Variants in TRIM2 observed in about 807,000 individuals in gnomAD.
TRIM2 encodes tripartite motif containing 2, also known as tripartite motif-containing protein 2.
Under a neutral mutation model 75.2 loss-of-function variants are expected in TRIM2, and 20 were observed. That is an observed-to-expected ratio of 0.27 (90% CI 0.19 to 0.39). TRIM2 has a LOEUF of 0.39. Among genes scored for constraint, TRIM2 ranks in the 10% least tolerant of loss-of-function variants. The pLI is 1.00. For synonymous variants in TRIM2, 373 were observed against 388.3 expected (o/e 0.96, Z 0.46); for missense variants, 660 against 990.8 (o/e 0.67, Z 4.48).
chr4:153,326,156 CTATT>C (rs1426005037), intron 10 of TRIM2, among the ~76,000 whole-genome samples: 3 of 152,154 alleles, frequency 2.0e-5, no homozygotes, highest in Non-Finnish European at 4.4e-5. Context: ...GCTGTAAAAA[CTATT>C]TAAGCTGATA....
chr4:153,288,818 G>A (rs1761238629), intron 3 of TRIM2, among the ~76,000 whole-genome samples: 1 of 150,584 alleles, frequency 6.6e-6, no homozygotes, highest in Non-Finnish European at 1.5e-5. Context: ...AATCTCAATA[G>A]GCCCATCTTC....
At chr4:153,293,973 C>T (rs1241856901) in intron 4 of TRIM2, among the ~76,000 whole-genome samples, 1 of 152,138 alleles carries the variant, frequency 6.6e-6, no homozygotes, top group East Asian at 1.9e-4. Flanking sequence ...TGCTGTTAAA[C>T]ATCATACAAT....
intron 1 of TRIM2, 78 bp from the exon 2 acceptor site, chr4:153,270,257 T>C: frequency 6.6e-7 from 1 of 1,511,084 alleles, no homozygotes; most frequent in Non-Finnish European, 9.0e-7. Context: ...AGCACAATGC[T>C]TATGGTGAAA....
intron 1 of TRIM2, among the ~76,000 whole-genome samples, chr4:153,244,346 T>TTCTTCC (rs1748034349): frequency 5.8e-5 from 2 of 34,666 alleles, no homozygotes; most frequent in African/African-American, 2.6e-4. Flanking sequence ...CTTCTTCTTC[T>TTCTTCC]TCTTCTTCCT....
At chr4:153,192,049 A>G (rs1207665921) in intron 1 of TRIM2, among the ~76,000 whole-genome samples, 3 of 151,848 alleles carry the variant, frequency 2.0e-5, no homozygotes, top group African/African-American at 4.8e-5. Context: ...ATCTCCACGT[A>G]CCCCTTTTTG....
In TRIM2 at chr4:153,296,029, T is replaced by C. The variant is rs1579438858; in HGVS notation, c.1503T>C (p.Phe501=). 2 of 1,522,104 alleles carry C rather than the reference T, an allele frequency of 1.3e-6. No homozygotes were observed. The highest frequency in any genetic ancestry group is 2.8e-5 in the African/African-American group (2 of 71,902). The allele number at this position is 1,522,104 out of a possible 1,614,324, so 94.3% of individuals were successfully genotyped here. The part of the protein sequence containing the change: ...KENPIEDDLI[F]RVGTKGRNKG... ...ATCCCATCGAAGACGATTTGATCTT[T>C]CGAGTGGGTAAGGAGAGGGCTTCTG... Residue 501 remains phenylalanine (F), a synonymous_variant, in exon 6 of 12, where the codon TTT becomes TTC. Transcript: ENST00000338700.
At position 153,335,483 on chromosome 4, in the gene TRIM2, C is replaced by T. The variant is rs1004149861; in HGVS notation, c.*517C>T. On this transcript the variant is annotated 3_prime_UTR_variant, in exon 12 of 12. Transcript: ENST00000338700. ...GTTATCAACAACTAAATATAAATTA[C>T]TTTGGAAAAAGTAAGGCTGTCTTGC... The T allele has an allele frequency of 3.0e-6, 3 of 985,302 alleles. No individual in the cohort carries two copies. The highest frequency in any genetic ancestry group is 5.2e-4 in the Middle Eastern group (1 of 1,936). The allele number at this position is 985,302 out of a possible 1,614,324, so 61.0% of individuals were successfully genotyped here.
chr4:153,290,784 G>A (rs892027331), intron 3 of TRIM2, among the ~76,000 whole-genome samples: 2 of 152,092 alleles, frequency 1.3e-5, no homozygotes, highest in African/African-American at 2.4e-5. Flanking sequence ...GTGCCACCAC[G>A]TCCAGTTAAT....
At chr4:153,278,345 C>A (rs1448274465) in intron 3 of TRIM2, among the ~76,000 whole-genome samples, 1 of 152,026 alleles carries the variant, frequency 6.6e-6, no homozygotes, top group Admixed American at 6.6e-5. Flanking sequence ...AACTCCTGGT[C>A]CCAAGTGATT....
chr4:153,222,954 C>G (rs34449206), intron 1 of TRIM2: 58,604 of 152,106 alleles, frequency 0.39, 12,128 homozygotes, highest in East Asian at 0.64. Context: ...CCTGGCTGGG[C>G]GCGCAGCGAG....
rs189927273 is a variant in TRIM2 at position 153,315,396 on chromosome 4, A to C, written c.1511-89A>C. ...ATTTAAAAACAATGCATTCTCAGGTACCTGTGGAAATCTGAATTATTCTCT... is the reference window on the plus strand; with the variant it reads ...ATTTAAAAACAATGCATTCTCAGGTCCCTGTGGAAATCTGAATTATTCTCT... On this transcript the variant is annotated intron_variant, in intron 6 of 11. Transcript: ENST00000338700. 1.4e-5 allele frequency: 15 copies of C among 1,040,736 alleles called. No homozygotes were observed. The South Asian group carries it at 2.6e-4, about 18-fold the overall frequency. The allele number at this position is 1,040,736 out of a possible 1,614,324, so 64.5% of individuals were successfully genotyped here.
At chr4:153,203,929 T>C (rs28497029), upstream of TRIM2, among the ~76,000 whole-genome samples, 50,065 of 150,246 alleles carry the variant, frequency 0.33, 10,055 homozygotes, top group African/African-American at 0.59. Flanking sequence ...AAAATAAAGA[T>C]GTGCCAATCA....
At position 153,336,175 on chromosome 4, in the gene TRIM2, A is replaced by G; in HGVS notation, c.*1209A>G. The G allele has an allele frequency of 1.0e-6, 1 of 985,598 alleles. No homozygotes were observed. Among genetic ancestry groups the G allele is most frequent in the South Asian group, 4.7e-5 (1 of 21,274 alleles). The allele number at this position is 985,598 out of a possible 1,614,324, so 61.1% of individuals were successfully genotyped here. A position where few individuals can be genotyped will look rare whatever the true frequency, so the allele number is the denominator to read the frequency against. On this transcript the variant is annotated 3_prime_UTR_variant, in exon 12 of 12. Coordinates refer to ENST00000338700, the MANE Select transcript of TRIM2 (RefSeq NM_015271.5). Reference sequence around the variant, plus strand: ...ATAGCTGAATCTTTGGTGTATTGAAATAGGCAGCACTCTGAAAGACAGAAG... The same window carrying G: ...ATAGCTGAATCTTTGGTGTATTGAAGTAGGCAGCACTCTGAAAGACAGAAG...
chr4:153,335,301 T>C lies in TRIM2; in HGVS notation c.*335T>C. ...AACTAGCATATGTAAAGGTATTCGTTAATCCTGTGAATGGTAGCTTTTGCA... is the reference window on the plus strand; with the variant it reads ...AACTAGCATATGTAAAGGTATTCGTCAATCCTGTGAATGGTAGCTTTTGCA... On this transcript the variant is annotated 3_prime_UTR_variant, in exon 12 of 12. Transcript: ENST00000338700. The C allele has an allele frequency of 9.9e-7, 1 of 1,011,758 alleles. No homozygotes were observed. Among genetic ancestry groups the C allele is most frequent in the Non-Finnish European group, 1.2e-6 (1 of 847,536 alleles). 62.7% of individuals were successfully genotyped at this position (1,011,758 alleles called of 1,614,324 possible).
At chr4:153,279,942 C>CA (rs3048123) in intron 3 of TRIM2, among the ~76,000 whole-genome samples, 1,289 of 104,016 alleles carry the variant, frequency 0.012, 10 homozygotes, top group Non-Finnish European at 0.021. Context: ...GACTCTGTCT[C>CA]AAAAAAAAAA....
At chr4:153,260,807 C>T (rs1299256569) in intron 1 of TRIM2, among the ~76,000 whole-genome samples, 1 of 150,528 alleles carries the variant, frequency 6.6e-6, no homozygotes, top group Non-Finnish European at 1.5e-5. Flanking sequence ...CAAAATGGCC[C>T]ATCTGGGATA....
intron 6 of TRIM2, among the ~76,000 whole-genome samples, chr4:153,305,417 A>G (rs1764766687): frequency 6.6e-6 from 1 of 152,250 alleles, no homozygotes; most frequent in Admixed American, 6.5e-5. Context: ...GTCTAGAACT[A>G]ATAGTTAACA....
chr4:153,223,968 T>C (rs969138490), intron 1 of TRIM2, among the ~76,000 whole-genome samples: 3 of 152,210 alleles, frequency 2.0e-5, no homozygotes, highest in Non-Finnish European at 4.4e-5. Flanking sequence ...GATTAAATTT[T>C]ACATCAATAT....
intron 1 of TRIM2, among the ~76,000 whole-genome samples, chr4:153,188,302 A>C (rs1187905620): frequency 6.6e-6 from 1 of 152,212 alleles, no homozygotes; most frequent in Non-Finnish European, 1.5e-5. Flanking sequence ...TCTACAAAAA[A>C]TACAGAAGTT....
Sources: allele counts gnomAD v4.1 joint callset (sites outside exome capture counted in the v4.1 genomes callset), GRCh38; gene constraint gnomAD v4.1.1; transcripts MANE v1.5; gene names NCBI Gene and HGNC (gene_info 2026-07-23, HGNC 2026-07-21).